Variants in LOC400499 observed in about 807,000 individuals in gnomAD.
the LOC400499 span, chr16:11,516,446 C>G: frequency 2.5e-6 from 1 of 397,584 alleles, no homozygotes; most frequent in Non-Finnish European, 4.4e-6. Context: ...CATCCCCCCA[C>G]TAGATAGCCT....
At chr16:11,417,637 A>T in the LOC400499 span, 2 of 398,982 alleles carry the variant, frequency 5.0e-6, no homozygotes, top group Non-Finnish European at 8.8e-6. Flanking sequence ...CTTACCGTGT[A>T]TCTGCAGCTC....
At chr16:11,510,382 C>A in the LOC400499 span, among the ~76,000 whole-genome samples, 1 of 151,800 alleles carries the variant, frequency 6.6e-6, no homozygotes, top group Admixed American at 6.6e-5. Flanking sequence ...AGAGGTCGTG[C>A]CTGCCCCAGG....
chr16:11,379,278 C>T, the LOC400499 span, among the ~76,000 whole-genome samples: 1 of 152,142 alleles, frequency 6.6e-6, no homozygotes, highest in Non-Finnish European at 1.5e-5. Context: ...GTGAAGTCTC[C>T]TACCATTATC....
At chr16:11,523,789 T>C in the LOC400499 span, among the ~76,000 whole-genome samples, 8 of 151,920 alleles carry the variant, frequency 5.3e-5, no homozygotes, top group East Asian at 1.6e-3. Context: ...CTCTGCCAAT[T>C]CCATCAACAA....
At chr16:11,442,911 C>T in the LOC400499 span, among the ~76,000 whole-genome samples, 1 of 152,086 alleles carries the variant, frequency 6.6e-6, no homozygotes, top group South Asian at 2.1e-4. Flanking sequence ...CTACCTTATC[C>T]CCGGGGAGCC....
At chr16:11,451,177 G>C in the LOC400499 span, among the ~76,000 whole-genome samples, 1 of 152,244 alleles carries the variant, frequency 6.6e-6, no homozygotes, top group Non-Finnish European at 1.5e-5. Flanking sequence ...CAGAGAGAGA[G>C]GTGATGAGGC....
the LOC400499 span, among the ~76,000 whole-genome samples, chr16:11,430,236 C>A: frequency 6.6e-6 from 1 of 152,108 alleles, no homozygotes; most frequent in Non-Finnish European, 1.5e-5. Context: ...CCTGTAATCC[C>A]AGCACTTTGG....
chr16:11,498,418 G>T, the LOC400499 span, among the ~76,000 whole-genome samples: 8 of 152,130 alleles, frequency 5.3e-5, no homozygotes, highest in African/African-American at 1.7e-4. Context: ...GGAGGTGGAG[G>T]TTGCAGTGAG....
the LOC400499 span, among the ~76,000 whole-genome samples, chr16:11,502,677 C>G: frequency 6.6e-6 from 1 of 151,014 alleles, no homozygotes; most frequent in African/African-American, 2.4e-5. Context: ...GGCAGTGGCG[C>G]AATCTCGGCT....
the LOC400499 span, among the ~76,000 whole-genome samples, chr16:11,402,919 G>A: frequency 6.6e-6 from 1 of 151,998 alleles, no homozygotes; most frequent in South Asian, 2.1e-4. Context: ...GTGCCCCCTC[G>A]GAAGCCCCAC....
chr16:11,445,653 G>A, the LOC400499 span, among the ~76,000 whole-genome samples: 1 of 152,148 alleles, frequency 6.6e-6, no homozygotes, highest in Non-Finnish European at 1.5e-5. Flanking sequence ...GGATGAGGCA[G>A]ATGCAGGCCA....
At chr16:11,462,004 G>T in the LOC400499 span, 2 of 975,660 alleles carry the variant, frequency 2.0e-6, no homozygotes, top group Non-Finnish European at 2.8e-6. Flanking sequence ...CCCTTGGATG[G>T]GATGTTGATA....
At chr16:11,426,763 TA>T in the LOC400499 span, among the ~76,000 whole-genome samples, 62 of 145,256 alleles carry the variant, frequency 4.3e-4, no homozygotes, top group African/African-American at 1.2e-3. Context: ...ACCCCACCTC[TA>T]AAAAAAAAAT....
the LOC400499 span, chr16:11,471,440 G>A: frequency 2.6e-6 from 1 of 385,386 alleles, no homozygotes; most frequent in African/African-American, 2.1e-5. Context: ...AGTGACCCCT[G>A]AACTGAGACC....
chr16:11,459,188 ATTT>A, the LOC400499 span, among the ~76,000 whole-genome samples: 1 of 119,884 alleles, frequency 8.3e-6, no homozygotes, highest in African/African-American at 3.6e-5. Flanking sequence ...TCCTAAACCA[ATTT>A]TTTTTTTTTT....
At chr16:11,385,348 G>A in the LOC400499 span, 1 of 1,232,242 alleles carries the variant, frequency 8.1e-7, no homozygotes, top group Non-Finnish European at 1.0e-6. Flanking sequence ...CTGCCGCACT[G>A]GGTGCTGAGG....
At chr16:11,493,079 G>T in the LOC400499 span, among the ~76,000 whole-genome samples, 2 of 152,172 alleles carry the variant, frequency 1.3e-5, no homozygotes, top group South Asian at 4.1e-4. Context: ...AGGAGGGATG[G>T]GAGGTGACAG....
the LOC400499 span, chr16:11,487,122 G>C: frequency 1.3e-5 from 5 of 396,754 alleles, no homozygotes; most frequent in Admixed American, 1.8e-4. Flanking sequence ...TCTATGGGCA[G>C]GTGGGTGACT....
At chr16:11,454,605 G>A in the LOC400499 span, among the ~76,000 whole-genome samples, 2 of 152,246 alleles carry the variant, frequency 1.3e-5, no homozygotes, top group African/African-American at 4.8e-5. Flanking sequence ...AAAGGCAAGG[G>A]AGGGTTGTCC....
Sources: allele counts gnomAD v4.1 joint callset (sites outside exome capture counted in the v4.1 genomes callset), GRCh38; gene constraint gnomAD v4.1.1; transcripts MANE v1.5.